GABRG3: variants seen among roughly 807,000 people sequenced by gnomAD.
GABRG3 encodes the protein gamma-aminobutyric acid type A receptor subunit gamma3, also known as gamma-aminobutyric acid receptor subunit gamma-3.
Under a neutral mutation model 48.8 loss-of-function variants are expected in GABRG3, and 25 were observed. The ratio of observed to expected loss-of-function variants is 0.51; its 90% CI spans 0.37 to 0.72. GABRG3 has a LOEUF of 0.72. GABRG3 is among the 30% of genes least tolerant of loss of function. GABRG3 has a pLI of 0.00. For synonymous variants in GABRG3, 227 were observed against 217.6 expected, an observed-to-expected ratio of 1.04 and a Z score of -0.38; for missense variants, 394 against 577.9, an observed-to-expected ratio of 0.68 and a Z score of 3.26.
At position 27,287,737 on chromosome 15, in the gene GABRG3, C is replaced by CTTTT. The variant is rs61469529; in HGVS notation, c.271-39056_271-39053dup. Among the ~76,000 whole-genome samples, 37 of 123,292 alleles carry CTTTT rather than the reference C, an allele frequency of 3.0e-4. 1 individual carries two copies. Among genetic ancestry groups the CTTTT allele is most frequent in the African/African-American group, 1.1e-3 (33 of 29,950 alleles). 80.9% of individuals were successfully genotyped at this position (123,292 alleles called of 152,430 possible). A position where few individuals can be genotyped will look rare whatever the true frequency, so the allele number is the denominator to read the frequency against. ...ATTCATTCAAGATGATTTGCTGTGT[C>CTTTT]TTTTTTTTTTTTTTTTTTTGAGATG... On this transcript the variant is annotated intron_variant, in intron 3 of 9. Coordinates refer to ENST00000615808, the MANE Select transcript of GABRG3 (RefSeq NM_033223.5).
intron 6 of GABRG3, among the ~76,000 whole-genome samples, chr15:27,507,278 T>C (rs937779824): frequency 2.6e-5 from 4 of 152,106 alleles, no homozygotes; most frequent in Admixed American, 1.3e-4. Flanking sequence ...CTGAGGCAGG[T>C]GAACCACCTG....
intron 3 of GABRG3, among the ~76,000 whole-genome samples, chr15:27,163,369 C>T (rs528199623): frequency 2.0e-5 from 3 of 152,044 alleles, no homozygotes; most frequent in African/African-American, 7.2e-5. Context: ...CTATGCCCAG[C>T]TAATTTTCCT....
chr15:27,300,412 C>G (rs1308196709), intron 3 of GABRG3, among the ~76,000 whole-genome samples: 1 of 151,950 alleles, frequency 6.6e-6, no homozygotes, highest in Non-Finnish European at 1.5e-5. Flanking sequence ...ACCTGTAATC[C>G]CAGAACTTTG....
chr15:27,267,084 A>T (rs1434202797), intron 3 of GABRG3, among the ~76,000 whole-genome samples: 1 of 149,472 alleles, frequency 6.7e-6, no homozygotes, highest in Non-Finnish European at 1.5e-5. Context: ...TCTTAGGGGG[A>T]AAACATCTAG....
chr15:27,424,420 G>T (rs1888226613), intron 5 of GABRG3, among the ~76,000 whole-genome samples: 1 of 152,126 alleles, frequency 6.6e-6, no homozygotes, highest in Non-Finnish European at 1.5e-5. Context: ...GTGCCTAGCT[G>T]CTGTGTCCTC....
chr15:26,977,114 A>G lies in GABRG3; in HGVS notation c.166A>G (p.Arg56Gly). 3.1e-6 allele frequency: 5 copies of G among 1,613,936 alleles called. No individual in the cohort carries two copies. The highest frequency in any genetic ancestry group is 4.2e-6 in the Non-Finnish European group (5 of 1,179,858). The change falls in exon 2 of 10, where the codon AGA (arginine) becomes GGA (glycine). Residue 56 changes from arginine (R) to glycine (G), a missense_variant. Transcript: ENST00000615808. ...DVTLILNKLLREYDKKLRPDI... is the reference protein window; with the variant it reads ...DVTLILNKLLGEYDKKLRPDI... The stretch of plus-strand genomic sequence containing the variant: ...GACTCTTATTCTCAACAAGTTGCTA[A>G]GAGAATATGATAAAAAGCTGAGGCC...
intron 3 of GABRG3, among the ~76,000 whole-genome samples, chr15:27,239,423 G>A (rs1345128648): frequency 1.3e-5 from 2 of 152,096 alleles, no homozygotes; most frequent in East Asian, 1.9e-4. Context: ...GCTAAATATT[G>A]ATTCTTTCAA....
intron 5 of GABRG3, among the ~76,000 whole-genome samples, chr15:27,351,651 G>A (rs1480524414): frequency 6.7e-6 from 1 of 149,884 alleles, no homozygotes; most frequent in African/African-American, 2.5e-5. Context: ...TATGGTCTGT[G>A]TGTGTGTATG....
At chr15:27,411,709 G>A (rs930423860) in intron 5 of GABRG3, among the ~76,000 whole-genome samples, 1 of 151,960 alleles carries the variant, frequency 6.6e-6, no homozygotes, top group Non-Finnish European at 1.5e-5. Flanking sequence ...GGTTGCCATA[G>A]GATTTACAAT....
chr15:27,020,545 G>A (rs1895871517), intron 2 of GABRG3, among the ~76,000 whole-genome samples: 1 of 151,906 alleles, frequency 6.6e-6, no homozygotes, highest in Non-Finnish European at 1.5e-5. Flanking sequence ...CTGAGTAGCT[G>A]GGACTACAGG....
chr15:27,432,870 C>T (rs1888497728), intron 5 of GABRG3, among the ~76,000 whole-genome samples: 1 of 152,180 alleles, frequency 6.6e-6, no homozygotes, highest in Non-Finnish European at 1.5e-5. Flanking sequence ...TCATTGTTTA[C>T]AAATTCTGCA....
chr15:27,168,154 A>C (rs987087489), intron 3 of GABRG3, among the ~76,000 whole-genome samples: 18 of 151,874 alleles, frequency 1.2e-4, no homozygotes, highest in African/African-American at 4.1e-4. Context: ...AAAAAAGGGA[A>C]AACAGACATC....
chr15:27,102,583 A>G (rs1438862127), intron 3 of GABRG3, among the ~76,000 whole-genome samples: 4 of 152,142 alleles, frequency 2.6e-5, no homozygotes, highest in African/African-American at 9.7e-5. Context: ...CTTAAAGTCT[A>G]TTTGGTAAGT....
intron 3 of GABRG3, among the ~76,000 whole-genome samples, chr15:27,235,580 A>G (rs890362947): frequency 1.3e-5 from 2 of 152,180 alleles, no homozygotes; most frequent in Non-Finnish European, 2.9e-5. Context: ...AAGGAAACAT[A>G]ATTTTCTCCT....
At chr15:27,105,325 A>G (rs932926734) in intron 3 of GABRG3, among the ~76,000 whole-genome samples, 2 of 152,190 alleles carry the variant, frequency 1.3e-5, no homozygotes, top group African/African-American at 2.4e-5. Context: ...GTATAAATCT[A>G]TAATTATACT....
intron 5 of GABRG3, among the ~76,000 whole-genome samples, chr15:27,425,220 T>C (rs937790688): frequency 3.3e-5 from 5 of 152,096 alleles, no homozygotes; most frequent in African/African-American, 9.7e-5. Context: ...CTGACTGTAG[T>C]CTGCATTTTT....
chr15:27,417,890 C>A (rs1887989445), intron 5 of GABRG3, among the ~76,000 whole-genome samples: 1 of 152,164 alleles, frequency 6.6e-6, no homozygotes, highest in South Asian at 2.1e-4. Context: ...CTAGTGACTA[C>A]CTTTGGACTA....
intron 5 of GABRG3, among the ~76,000 whole-genome samples, chr15:27,430,177 C>T (rs1375322643): frequency 1.3e-5 from 2 of 152,182 alleles, no homozygotes; most frequent in African/African-American, 4.8e-5. Flanking sequence ...TCTTTAGATG[C>T]TTATTGGCCA....
intron 3 of GABRG3, among the ~76,000 whole-genome samples, chr15:27,090,264 G>A (rs900909224): frequency 3.3e-5 from 5 of 152,202 alleles, no homozygotes; most frequent in African/African-American, 4.8e-5. Flanking sequence ...AGAGCTCTGA[G>A]CATGTTTAAG....
Sources: gnomAD v4.1 joint callset for allele counts (sites outside exome capture counted in the v4.1 genomes callset) on GRCh38, gnomAD v4.1.1 for gene constraint, MANE v1.5 for transcripts, NCBI Gene and HGNC (gene_info 2026-07-23, HGNC 2026-07-21) for gene names.